The following KIF13A variants were observed in gnomAD, a reference collection of about 807,000 sequenced individuals.
KIF13A encodes the protein kinesin-like protein KIF13A.
A neutral mutation model predicts 212.2 loss-of-function variants in KIF13A; 79 were observed. The observed-to-expected ratio is 0.37, with a 90% CI of 0.31 to 0.45. The LOEUF (loss-of-function observed/expected upper bound fraction) is 0.45, where lower values mean the gene tolerates loss of function less well. Among genes scored for constraint, KIF13A ranks in the 20% least tolerant of loss-of-function variants. The pLI, the probability that KIF13A is intolerant of heterozygous loss-of-function variation, is 1.00. For missense variants in KIF13A, 1,901 were observed against 2,209.0 expected, an observed-to-expected ratio of 0.86 and a Z score of 2.79; for synonymous variants, 789 against 808.6, an observed-to-expected ratio of 0.98 and a Z score of 0.41.
At chr6:17,911,053 G>A (rs1193061533) in intron 2 of KIF13A, among the ~76,000 whole-genome samples, 5 of 152,216 alleles carry the variant, frequency 3.3e-5, no homozygotes, top group East Asian at 3.9e-4. Flanking sequence ...ATGAGCCACC[G>A]CGCCCAGCCT....
At chr6:17,760,577 C>CA (rs11418580), downstream of KIF13A, 48,227 of 528,352 alleles carry the variant, frequency 0.091, 1,886 homozygotes, top group African/African-American at 0.2. Flanking sequence ...GTAGTAAGTG[C>CA]AAAAAAAAAT....
In KIF13A at chr6:17,771,136, T is replaced by C. The variant is rs768253903; in HGVS notation, c.4559A>G (p.Asn1520Ser). Residue 1520 changes from asparagine (N) to serine (S), a missense_variant, in exon 38 of 39, where the codon AAT becomes AGT. By Grantham distance (46) the Asn-to-Ser change is conservative. Around this residue, in one of 5 missense-constraint regions of KIF13A, gnomAD observed 687 missense variants for 759.1 expected, o/e 0.90. Transcript: ENST00000259711. The surrounding 1 kb of genome is among the most constrained non-coding windows in gnomAD (Gnocchi z 5.4). Reference protein sequence around the residue: ...SNGSSMPVEHNSKREKKIDSE... With the variant: ...SNGSSMPVEHSSKREKKIDSE... ...TACAATCTTCTTCTCACGTTTGCTA[T>C]TGTGTTCTACTGGCATGCTGCTGCC... 37 of 1,612,414 alleles carry C rather than the reference T, an allele frequency of 2.3e-5. No homozygotes were observed. The highest frequency in any genetic ancestry group is 3.3e-5 in the Admixed American group (2 of 59,860).
intron 3 of KIF13A, among the ~76,000 whole-genome samples, chr6:17,885,356 A>T (rs1379790167): frequency 6.6e-6 from 1 of 152,216 alleles, no homozygotes; most frequent in Non-Finnish European, 1.5e-5. Context: ...CCATTTAAAC[A>T]TATGTCAAGT....
chr6:17,801,683 T>C (rs544592945), intron 20 of KIF13A, among the ~76,000 whole-genome samples: 11 of 152,276 alleles, frequency 7.2e-5, no homozygotes, highest in African/African-American at 9.6e-5. Context: ...GCAAACCAAA[T>C]TGACAAGGTT....
At chr6:17,977,614 T>C (rs1028138258) in intron 2 of KIF13A, among the ~76,000 whole-genome samples, 56 of 152,156 alleles carry the variant, frequency 3.7e-4, no homozygotes, top group African/African-American at 1.1e-3. Context: ...CAAAACACAA[T>C]TGCAACAGCA....
chr6:17,768,030 A>T lies in KIF13A; in HGVS notation c.4581+3084T>A, dbSNP rs1291731580. On this transcript the variant is annotated intron_variant, in intron 38 of 38. Coordinates refer to ENST00000259711, the MANE Select transcript of KIF13A (RefSeq NM_022113.6). This position sits in a 1 kb window ranked among gnomAD's most constrained non-coding sequence, Gnocchi z 5.4. ...AAACAGTAGGGACAGCTTATTCCAGAAAAAGGAAAACTTAGTAGAGATTAA... is the reference window on the plus strand; with the variant it reads ...AAACAGTAGGGACAGCTTATTCCAGTAAAAGGAAAACTTAGTAGAGATTAA... Among the ~76,000 whole-genome samples the T allele has an allele frequency of 6.6e-6, 1 of 152,244 alleles. No individual in the cohort carries two copies. Among genetic ancestry groups the T allele is most frequent in the African/African-American group, 2.4e-5 (1 of 41,466 alleles).
intron 2 of KIF13A, among the ~76,000 whole-genome samples, chr6:17,908,634 A>T (rs962363766): frequency 2.6e-5 from 4 of 151,780 alleles, no homozygotes; most frequent in Non-Finnish European, 4.4e-5. Context: ...CTCAAAATAC[A>T]CTTGTAATTT....
chr6:17,808,259 G>A (rs1372195657), intron 18 of KIF13A, among the ~76,000 whole-genome samples: 7 of 152,086 alleles, frequency 4.6e-5, no homozygotes, highest in African/African-American at 1.4e-4. Flanking sequence ...GCTAGTGCGC[G>A]CCTGTAATCC....
chr6:17,913,725 G>A (rs1251075024), intron 2 of KIF13A, among the ~76,000 whole-genome samples: 3 of 152,136 alleles, frequency 2.0e-5, no homozygotes, highest in Non-Finnish European at 4.4e-5. Context: ...AATCCACCGA[G>A]GGGGGATTGA....
At chr6:17,866,169 C>T (rs1294738935) in intron 4 of KIF13A, among the ~76,000 whole-genome samples, 4 of 152,066 alleles carry the variant, frequency 2.6e-5, no homozygotes, top group Non-Finnish European at 5.9e-5. Context: ...TGTTTTACAC[C>T]CCCTCTCTCT....
chr6:17,779,625 AC>A lies in KIF13A; in HGVS notation c.3905del (p.Gly1302ValfsTer2). On this transcript the variant is annotated frameshift_variant, in exon 32 of 39. Transcript: ENST00000259711. LOFTEE classifies it high-confidence loss of function. ...ISLKNIFYSC[G>X]VTYEIVSNIP... ...TATTGGATACTATTTCATAGGTTAC[AC>A]CACAGGAATAAAATATATTTTTCAG... 1 of 1,521,650 alleles carries A rather than the reference AC, an allele frequency of 6.6e-7. No homozygotes were observed. Among genetic ancestry groups the A allele is most frequent in the Non-Finnish European group, 9.1e-7 (1 of 1,103,612 alleles). The allele number at this position is 1,521,650 out of a possible 1,614,324, so 94.3% of individuals were successfully genotyped here.
chr6:17,814,599 A>G (rs1271024459), intron 17 of KIF13A, among the ~76,000 whole-genome samples: 1 of 152,042 alleles, frequency 6.6e-6, no homozygotes, highest in African/African-American at 2.4e-5. Flanking sequence ...TGTTATTAGG[A>G]GACTGCAGAG....
Position 17,984,613 on chromosome 6 carries a change from T to C in KIF13A, c.146+2441A>G. ...TTTTTTTTTTTTCCCTGGACGTCAATGCATTCTCACTTGTTTTTACTGGTA... is the reference window on the plus strand; with the variant it reads ...TTTTTTTTTTTTCCCTGGACGTCAACGCATTCTCACTTGTTTTTACTGGTA... On this transcript the variant is annotated intron_variant, in intron 2 of 38. Transcript: ENST00000259711. The surrounding 1 kb of genome is among the most constrained non-coding windows in gnomAD (Gnocchi z 5.0). 1 of 876,650 alleles carries C rather than the reference T, an allele frequency of 1.1e-6. No homozygotes were observed. Among genetic ancestry groups the C allele is most frequent in the South Asian group, 5.3e-5 (1 of 18,992 alleles). 54.3% of individuals were successfully genotyped at this position (876,650 alleles called of 1,614,324 possible). A position where few individuals can be genotyped will look rare whatever the true frequency, so the allele number is the denominator to read the frequency against.
intron 38 of KIF13A, among the ~76,000 whole-genome samples, chr6:17,765,369 T>C (rs1758852722): frequency 1.3e-5 from 2 of 152,210 alleles, no homozygotes; most frequent in South Asian, 4.1e-4. Context: ...CTTTTGTCTT[T>C]AGAATCTTCA....
chr6:17,778,204 G>T (rs573986864), intron 33 of KIF13A, among the ~76,000 whole-genome samples: 66 of 152,312 alleles, frequency 4.3e-4, no homozygotes, highest in African/African-American at 1.6e-3. Context: ...TTTATGTTGT[G>T]AAATTTTTAT....
Position 17,850,683 on chromosome 6 carries a change from C to A in KIF13A, c.583-226G>T, listed in dbSNP as rs571428311. On this transcript the variant is annotated intron_variant, in intron 7 of 38. Transcript: ENST00000259711. This position sits in a 1 kb window ranked among gnomAD's most constrained non-coding sequence, Gnocchi z 6.2. Reference sequence around the variant, plus strand: ...ATTCTTTCCATTTCCCAATTGTCTTCTTTCTCAGTTGAGTCCCTATTTTCT... The same window carrying A: ...ATTCTTTCCATTTCCCAATTGTCTTATTTCTCAGTTGAGTCCCTATTTTCT... Among the ~76,000 whole-genome samples, 8 of 152,254 alleles carry A rather than the reference C, an allele frequency of 5.3e-5. No individual in the cohort carries two copies. Among genetic ancestry groups the A allele is most frequent in the Admixed American group, 2.6e-4 (4 of 15,292 alleles).
At chr6:17,791,550 A>C (rs1761555277) in intron 25 of KIF13A, among the ~76,000 whole-genome samples, 1 of 152,190 alleles carries the variant, frequency 6.6e-6, no homozygotes, top group African/African-American at 2.4e-5. Flanking sequence ...TAATATTTTA[A>C]AGTTTACAAT....
In KIF13A at chr6:17,777,414, C is replaced by A; in HGVS notation, c.4093-60G>T. Reference sequence around the variant, plus strand: ...TTTTTTTTCCCCAGAGACAGAGTCTCACTCTGTTGCCCAGGCTGGAGTGTA... The same window carrying A: ...TTTTTTTTCCCCAGAGACAGAGTCTAACTCTGTTGCCCAGGCTGGAGTGTA... On this transcript the variant is annotated intron_variant, in intron 33 of 38. Transcript: ENST00000259711. This position sits in a 1 kb window ranked among gnomAD's most constrained non-coding sequence, Gnocchi z 4.4. The A allele has an allele frequency of 7.4e-7, 1 of 1,348,082 alleles. No individual in the cohort carries two copies. The highest frequency in any genetic ancestry group is 1.2e-5 in the South Asian group (1 of 80,212). 83.5% of individuals were successfully genotyped at this position (1,348,082 alleles called of 1,614,324 possible). A position where few individuals can be genotyped will look rare whatever the true frequency, so the allele number is the denominator to read the frequency against.
Position 17,868,234 on chromosome 6 carries a change from A to G in KIF13A, c.220+5143T>C, listed in dbSNP as rs375178925. On this transcript the variant is annotated intron_variant, in intron 4 of 38. Coordinates refer to ENST00000259711, the MANE Select transcript of KIF13A (RefSeq NM_022113.6). ...AGACTGCTTTTTTTTTATTTTTGAT[A>G]TGAAGATTTCTGTAGAGCTGGGAAG... 5.9e-5 allele frequency among the ~76,000 whole-genome samples: 9 copies of G among 152,292 alleles called. No homozygotes were observed. In the East Asian group the frequency reaches 1.4e-3, roughly 23 times the overall value.
Sources: gnomAD v4.1 joint callset for allele counts (sites outside exome capture counted in the v4.1 genomes callset) on GRCh38, gnomAD v4.1.1 for gene constraint, gnomAD v4.1.1 regional missense constraint, Gnocchi (gnomAD v3.1) non-coding constraint, MANE v1.5 for transcripts, NCBI Gene and HGNC (gene_info 2026-07-23, HGNC 2026-07-21) for gene names.